TCF12: variants seen among roughly 807,000 people sequenced by gnomAD.
TCF12 encodes the protein DNA-binding protein HTF4.
TCF12 carries 45 observed loss-of-function variants against 86.0 expected under a neutral mutation model. The ratio of observed to expected loss-of-function variants is 0.52; its 90% confidence interval spans 0.41 to 0.67. The LOEUF (loss-of-function observed/expected upper bound fraction) is 0.67, where lower values mean the gene tolerates loss of function less well. Among genes scored for constraint, TCF12 ranks in the 30% least tolerant of loss-of-function variants. The probability of loss-of-function intolerance (pLI) is 0.00; values close to 1 mark genes in which losing one functional copy is unlikely to be tolerated. For synonymous variants in TCF12, 330 were observed against 299.6 expected (o/e 1.10, Z -1.05); for missense variants, 881 against 859.9 (o/e 1.02, Z -0.31).
chr15:57,121,923 C>T lies in TCF12; in HGVS notation c.325+30032C>T, dbSNP rs11630797. ...GTTATATATAACTTACTAGGTTGTC[C>T]TTGCCATATTTTTATGATGGTGAGT... On this transcript the variant is annotated intron_variant, in intron 5 of 20. Transcript: ENST00000333725. Among the ~76,000 whole-genome samples, 1,213 of 151,954 alleles carry T rather than the reference C, an allele frequency of 8.0e-3. 8 individuals carry two copies. Among genetic ancestry groups the T allele is most frequent in the Non-Finnish European group, 0.013 (874 of 67,958 alleles).
At chr15:57,011,263 G>A (rs2064812210) in intron 3 of TCF12, among the ~76,000 whole-genome samples, 1 of 152,126 alleles carries the variant, frequency 6.6e-6, no homozygotes, top group Non-Finnish European at 1.5e-5. Context: ...GAATGGTTTA[G>A]AACCATCTGC....
At chr15:57,080,510 C>T (rs1015780184) in intron 4 of TCF12, among the ~76,000 whole-genome samples, 39 of 152,226 alleles carry the variant, frequency 2.6e-4, no homozygotes, top group African/African-American at 7.5e-4. Context: ...CTTAACAAGC[C>T]GTTTTGCATT....
intron 12 of TCF12, among the ~76,000 whole-genome samples, chr15:57,241,218 G>A (rs372871199): frequency 5.3e-5 from 8 of 151,520 alleles, no homozygotes; most frequent in Admixed American, 2.0e-4. Context: ...CTCAGACCCC[G>A]CGAGTAGCTG....
chr15:57,236,457 GACTC>G (rs1236867859), intron 12 of TCF12, among the ~76,000 whole-genome samples: 1 of 152,150 alleles, frequency 6.6e-6, no homozygotes, highest in Non-Finnish European at 1.5e-5. Flanking sequence ...AATGGTGACT[GACTC>G]TTTTGAAATT....
At chr15:57,108,956 G>T (rs1362072436) in intron 5 of TCF12, among the ~76,000 whole-genome samples, 1 of 152,118 alleles carries the variant, frequency 6.6e-6, no homozygotes, top group African/African-American at 2.4e-5. Flanking sequence ...TAAATTTAAG[G>T]TTTTCAGAAA....
rs2054632064 is a variant in TCF12 at position 57,163,392 on chromosome 15, A to G, written c.326-3010A>G. ...ACATCTGTTAACCCTTTAGATATGC[A>G]AAATAATCCTTGAAATAATAATGCT... On this transcript the variant is annotated intron_variant, in intron 5 of 20. Transcript: ENST00000333725. Among the ~76,000 whole-genome samples the G allele has an allele frequency of 2.6e-5, 4 of 152,118 alleles. No homozygotes were observed. In the South Asian group the frequency reaches 8.3e-4, roughly 32 times the overall value.
intron 10 of TCF12, 98 bp from the exon 11 acceptor site, chr15:57,232,610 GTAAC>G: frequency 6.9e-7 from 1 of 1,452,276 alleles, no homozygotes; most frequent in South Asian, 1.4e-5. Context: ...CTCTTTAGCT[GTAAC>G]TTGTAAATGC....
chr15:56,919,675 CTCGGGCCGCGGCGAGGAACGCGTGGATT>C lies in TCF12; in HGVS notation c.-22-216_-22-189del. On this transcript the variant is annotated intron_variant, in intron 1 of 20. Coordinates refer to ENST00000333725, the MANE Select transcript of TCF12 (RefSeq NM_207037.2). ...GAGTTGCGGGAGCCGCCGCGTCGAT[CTCGGGCCGCGGCGAGGAACGCGTGGATT>C]CCGGGACCCGGCGCGGGCACTGAGC... is the stretch of plus-strand genomic sequence containing the variant. 1.0e-5 allele frequency: 4 copies of C among 388,720 alleles called. No individual in the cohort carries two copies. In the South Asian group the frequency reaches 1.4e-4, roughly 14 times the overall value. 24.1% of individuals were successfully genotyped at this position (388,720 alleles called of 1,614,324 possible).
intron 3 of TCF12, among the ~76,000 whole-genome samples, chr15:56,955,390 C>CA (rs201439334): frequency 0.031 from 4,661 of 151,442 alleles, 114 homozygotes; most frequent in South Asian, 0.064. Flanking sequence ...ATCACACACC[C>CA]AGGGCCTGTC....
rs1314596570 is a variant in TCF12 at position 57,192,285 on chromosome 15, C to T, written c.518C>T (p.Ala173Val). 1 of 1,613,970 alleles carries T rather than the reference C, an allele frequency of 6.2e-7. No individual in the cohort carries two copies. ...AGGAGGAGACCACTCCATGACTCTGCAGCGCTTGGTGAGTGTATCACACAA... is the reference window on the plus strand; with the variant it reads ...AGGAGGAGACCACTCCATGACTCTGTAGCGCTTGGTGAGTGTATCACACAA... ...SSRRRPLHDS[A>V]ALDPLQAKKV... Residue 173 changes from alanine (A) to valine (V), a missense_variant, in exon 7 of 21, where the codon GCA (alanine) becomes GTA (valine). This residue lies in a region of TCF12 where 766 missense variants were observed against 718.9 expected (regional missense o/e 1.07). Coordinates refer to ENST00000333725, the MANE Select transcript of TCF12 (RefSeq NM_207037.2).
chr15:57,291,121 G>A (rs1339746345), downstream of TCF12: 1 of 152,108 alleles, frequency 6.6e-6, no homozygotes, highest in Non-Finnish European at 1.5e-5. Flanking sequence ...GCTGTGTTTA[G>A]TAATGTCATT....
intron 7 of TCF12, among the ~76,000 whole-genome samples, chr15:57,192,805 TCTTA>T (rs1205473658): frequency 6.6e-6 from 1 of 152,190 alleles, no homozygotes; most frequent in Non-Finnish European, 1.5e-5. Context: ...TTATCAAAAT[TCTTA>T]CTTTTATAAA....
intron 4 of TCF12, among the ~76,000 whole-genome samples, chr15:57,079,086 A>G (rs1018830542): frequency 6.6e-6 from 1 of 152,254 alleles, no homozygotes; most frequent in Admixed American, 6.5e-5. Context: ...ACAGTAAAGC[A>G]GTATCAGTTT....
At chr15:57,021,321 T>A (rs1860044776) in intron 3 of TCF12, among the ~76,000 whole-genome samples, 2 of 152,160 alleles carry the variant, frequency 1.3e-5, no homozygotes, top group Admixed American at 1.3e-4. Flanking sequence ...AAGGCATGGG[T>A]AAGCTCTGGA....
intron 5 of TCF12, among the ~76,000 whole-genome samples, chr15:57,097,953 C>A (rs938025059): frequency 1.5e-5 from 2 of 135,130 alleles, no homozygotes; most frequent in African/African-American, 5.6e-5. Flanking sequence ...TTCAGGAGTT[C>A]GAGACCAGCC....
intron 5 of TCF12, among the ~76,000 whole-genome samples, chr15:57,144,439 T>G (rs1450226962): frequency 2.6e-5 from 4 of 152,250 alleles, no homozygotes; most frequent in African/African-American, 9.6e-5. Context: ...CTGTTTAATG[T>G]AAATGCTTTT....
At chr15:57,219,932 G>A (rs1386709556) in intron 8 of TCF12, among the ~76,000 whole-genome samples, 3 of 151,870 alleles carry the variant, frequency 2.0e-5, no homozygotes, top group Non-Finnish European at 4.4e-5. Context: ...TATCATGTTG[G>A]CCAGGCTGGT....
Position 57,170,773 on chromosome 15 carries a change from T to G in TCF12, c.390+4307T>G. Among the ~76,000 whole-genome samples, 3 of 2,402 alleles carry G rather than the reference T, an allele frequency of 1.2e-3. 1 individual carries two copies. Among genetic ancestry groups the G allele is most frequent in the Non-Finnish European group, 2.4e-3 (1 of 418 alleles). 1.6% of individuals were successfully genotyped at this position (2,402 alleles called of 152,430 possible). Reference sequence around the variant, plus strand: ...TATATTATATATTATATATATATTATATATAATATATATATATAATATATA... The same window carrying G: ...TATATTATATATTATATATATATTAGATATAATATATATATATAATATATA... On this transcript the variant is annotated intron_variant, in intron 6 of 20. Transcript: ENST00000333725.
At chr15:57,024,420 G>C (rs1436685855) in intron 3 of TCF12, among the ~76,000 whole-genome samples, 2 of 151,992 alleles carry the variant, frequency 1.3e-5, no homozygotes, top group Non-Finnish European at 2.9e-5. Flanking sequence ...CACCATGTTG[G>C]CTAGGCTGGT....
Sources: gnomAD v4.1 joint callset for allele counts (sites outside exome capture counted in the v4.1 genomes callset) on GRCh38, gnomAD v4.1.1 for gene constraint, gnomAD v4.1.1 regional missense constraint, MANE v1.5 for transcripts, NCBI Gene and HGNC (gene_info 2026-07-23, HGNC 2026-07-21) for gene names.